Variants in CALCR observed in about 807,000 individuals in gnomAD.
CALCR encodes calcitonin receptor.
A neutral mutation model predicts 59.5 loss-of-function variants in CALCR; 47 were observed. The observed-to-expected ratio is 0.79, with a 90% confidence interval of 0.63 to 1.01. The LOEUF is 1.01. Among genes scored for constraint, CALCR ranks in the 50% least tolerant of loss-of-function variants. The pLI is 0.00. For missense variants in CALCR, 566 were observed against 597.1 expected (o/e 0.95, Z 0.54); for synonymous variants, 213 against 211.3 (o/e 1.01, Z -0.07).
rs1189032141 is a variant in CALCR at position 93,430,939 on chromosome 7, G to GA, written c.1191+3313dup. On this transcript the variant is annotated intron_variant, in intron 13 of 13. Coordinates refer to ENST00000426151, the MANE Select transcript of CALCR (RefSeq NM_001742.4). ...TATGTCTCTAGAAAGACATTGTATT[G>GA]AAAATCAGGCTTTATTGAGTGGGAG... Among the ~76,000 whole-genome samples the GA allele has an allele frequency of 3.3e-5, 5 of 152,180 alleles. No individual in the cohort carries two copies. In the East Asian group the frequency reaches 9.6e-4, roughly 29 times the overall value.
At chr7:93,562,760 C>T (rs1478112331) in intron 2 of CALCR, among the ~76,000 whole-genome samples, 1 of 152,032 alleles carries the variant, frequency 6.6e-6, no homozygotes, top group African/African-American at 2.4e-5. Context: ...AATCTTGGCT[C>T]TTCAATAAAG....
At chr7:93,543,743 T>A (rs1482833060) in intron 2 of CALCR, among the ~76,000 whole-genome samples, 1 of 152,136 alleles carries the variant, frequency 6.6e-6, no homozygotes, top group Non-Finnish European at 1.5e-5. Context: ...TGGCTAAGAT[T>A]TTTTTCCAAT....
intron 2 of CALCR, among the ~76,000 whole-genome samples, chr7:93,529,839 G>T (rs1220252866): frequency 6.6e-6 from 1 of 152,086 alleles, no homozygotes; most frequent in African/African-American, 2.4e-5. Flanking sequence ...AAAATCAAAC[G>T]AATGTTAATA....
rs200820116 is a variant in CALCR at position 93,438,181 on chromosome 7, G to A, written c.863+29C>T. The A allele has an allele frequency of 2.4e-4, 392 of 1,609,890 alleles. No homozygotes were observed. In the African/African-American group the frequency reaches 4.8e-3, roughly 20 times the overall value. ...ACAAATACATTTTGTTTATGAATAT[G>A]TTAACTTAAACATCACCATAATACT... On this transcript the variant is annotated intron_variant, in intron 10 of 13. Coordinates refer to ENST00000426151, the MANE Select transcript of CALCR (RefSeq NM_001742.4).
intron 3 of CALCR, among the ~76,000 whole-genome samples, chr7:93,486,697 T>C (rs1344451433): frequency 6.6e-6 from 1 of 151,594 alleles, no homozygotes; most frequent in African/African-American, 2.4e-5. Context: ...TAAAGTTTTG[T>C]AAACAAAACT....
At chr7:93,510,695 CTG>C (rs1297310369) in intron 2 of CALCR, among the ~76,000 whole-genome samples, 2 of 151,860 alleles carry the variant, frequency 1.3e-5, no homozygotes, top group African/African-American at 2.4e-5. Flanking sequence ...TAAAGAGACA[CTG>C]TCTCTACAAA....
rs544382063 is a variant in CALCR at position 93,427,666 on chromosome 7, A to G, written c.1192-1077T>C. On this transcript the variant is annotated intron_variant, in intron 13 of 13. Coordinates refer to ENST00000426151, the MANE Select transcript of CALCR (RefSeq NM_001742.4). ...CTTTACATTTGTACAAATCTGAGAGATGAGAAAAATGACAGCAAAACTGAT... is the reference window on the plus strand; with the variant it reads ...CTTTACATTTGTACAAATCTGAGAGGTGAGAAAAATGACAGCAAAACTGAT... Among the ~76,000 whole-genome samples the G allele has an allele frequency of 2.6e-5, 4 of 152,300 alleles. No individual in the cohort carries two copies. The South Asian group carries it at 8.3e-4, about 32-fold the overall frequency.
intron 2 of CALCR, among the ~76,000 whole-genome samples, chr7:93,552,274 C>T (rs1789479903): frequency 6.6e-6 from 1 of 152,138 alleles, no homozygotes; most frequent in African/African-American, 2.4e-5. Context: ...AGCTCAACTT[C>T]TCAAAACCAA....
At chr7:93,456,610 G>T (rs1260603170) in intron 8 of CALCR, among the ~76,000 whole-genome samples, 2 of 152,186 alleles carry the variant, frequency 1.3e-5, no homozygotes, top group Non-Finnish European at 1.5e-5. Flanking sequence ...AGGGCTAAAA[G>T]TTACATTTTT....
chr7:93,452,766 G>A (rs1800135574), intron 8 of CALCR, among the ~76,000 whole-genome samples: 1 of 151,904 alleles, frequency 6.6e-6, no homozygotes, highest in Admixed American at 6.6e-5. Context: ...AAGCACTTTG[G>A]AAGTATTAAG....
intron 5 of CALCR, among the ~76,000 whole-genome samples, chr7:93,473,940 G>T (rs1800611196): frequency 6.6e-6 from 1 of 151,496 alleles, no homozygotes; most frequent in South Asian, 2.1e-4. Flanking sequence ...ACAAAGTAAA[G>T]TTCCAAACTT....
Position 93,516,471 on chromosome 7 carries a change from C to T in CALCR, c.-26-29464G>A, listed in dbSNP as rs760565616. On this transcript the variant is annotated intron_variant, in intron 2 of 13. Coordinates refer to ENST00000426151, the MANE Select transcript of CALCR (RefSeq NM_001742.4). ...ACCAAACAATGAAAACAGCCTAATG[C>T]CTCATAACAGGGAGATGGACACATT... Among the ~76,000 whole-genome samples, 4 of 151,924 alleles carry T rather than the reference C, an allele frequency of 2.6e-5. No homozygotes were observed. The East Asian group carries it at 7.7e-4, about 29-fold the overall frequency.
intron 2 of CALCR, among the ~76,000 whole-genome samples, chr7:93,528,081 A>G (rs1788717756): frequency 6.6e-6 from 1 of 152,152 alleles, no homozygotes; most frequent in African/African-American, 2.4e-5. Flanking sequence ...CTGCTCAGAA[A>G]ATGTTCTGAT....
intron 2 of CALCR, among the ~76,000 whole-genome samples, chr7:93,534,496 T>C (rs1788934491): frequency 6.6e-6 from 1 of 151,822 alleles, no homozygotes; most frequent in East Asian, 1.9e-4. Flanking sequence ...ATTGTCATGC[T>C]TTTGAATAAA....
At chr7:93,510,932 TG>T (rs1801532930) in intron 2 of CALCR, among the ~76,000 whole-genome samples, 1 of 151,872 alleles carries the variant, frequency 6.6e-6, no homozygotes, top group Admixed American at 6.6e-5. Flanking sequence ...ATTTGAAGAA[TG>T]GGTTGGGGAA....
chr7:93,562,999 T>C (rs1172127132), intron 2 of CALCR, among the ~76,000 whole-genome samples: 2 of 152,176 alleles, frequency 1.3e-5, no homozygotes, highest in Non-Finnish European at 2.9e-5. Context: ...TCAAATATGG[T>C]AAATAAATTT....
intron 2 of CALCR, among the ~76,000 whole-genome samples, chr7:93,564,261 A>T (rs1420723280): frequency 6.6e-6 from 1 of 152,092 alleles, no homozygotes; most frequent in Non-Finnish European, 1.5e-5. Context: ...GGGGGGGGAC[A>T]GAGTGCTGGT....
chr7:93,540,650 T>C (rs1789108144), intron 2 of CALCR, among the ~76,000 whole-genome samples: 1 of 150,764 alleles, frequency 6.6e-6, no homozygotes, highest in South Asian at 2.1e-4. Flanking sequence ...TTTTAAAATA[T>C]GCTCAAACTT....
intron 2 of CALCR, among the ~76,000 whole-genome samples, chr7:93,565,979 C>T (rs1313987492): frequency 6.6e-6 from 1 of 152,120 alleles, no homozygotes; most frequent in Non-Finnish European, 1.5e-5. Context: ...ATTTTCCTTT[C>T]TTTTTCCCTT....
Sources: gnomAD v4.1 joint callset for allele counts (sites outside exome capture counted in the v4.1 genomes callset) on GRCh38, gnomAD v4.1.1 for gene constraint, MANE v1.5 for transcripts, NCBI Gene and HGNC (gene_info 2026-07-23, HGNC 2026-07-21) for gene names.